ROBO1: variants seen among roughly 807,000 people sequenced by gnomAD.
ROBO1 encodes the protein roundabout homolog 1.
ROBO1 carries 149 observed loss-of-function variants against 195.9 expected under a neutral mutation model. The ratio of observed to expected loss-of-function variants is 0.76; its 90% CI spans 0.67 to 0.87. ROBO1 has a LOEUF of 0.87. Among genes scored for constraint, ROBO1 ranks in the 40% least tolerant of loss-of-function variants. The pLI is 0.00. For synonymous variants in ROBO1, 816 were observed against 733.2 expected (o/e 1.11, Z -1.82); for missense variants, 1,933 against 2,068.3 (o/e 0.93, Z 1.27).
intron 21 of ROBO1, among the ~76,000 whole-genome samples, chr3:78,645,452 GA>G (rs11427323): frequency 1.4e-4 from 20 of 146,442 alleles, no homozygotes; most frequent in African/African-American, 2.2e-4. Flanking sequence ...CTGTTTTGGA[GA>G]AAAAAAAAAC....
chr3:79,331,065 TA>T (rs1382720543), intron 2 of ROBO1, among the ~76,000 whole-genome samples: 1 of 152,196 alleles, frequency 6.6e-6, no homozygotes, highest in Non-Finnish European at 1.5e-5. Context: ...CTAGTAATAT[TA>T]AAAATAAATA....
intron 1 of ROBO1, among the ~76,000 whole-genome samples, chr3:79,724,199 T>G (rs1291228136): frequency 6.6e-6 from 1 of 152,200 alleles, no homozygotes; most frequent in Non-Finnish European, 1.5e-5. Context: ...CCTCCTTGAC[T>G]CCCATTTAGG....
intron 3 of ROBO1, among the ~76,000 whole-genome samples, chr3:79,092,809 T>A (rs1029716715): frequency 3.3e-5 from 5 of 152,016 alleles, no homozygotes; most frequent in African/African-American, 7.2e-5. Flanking sequence ...AAACCCAGAG[T>A]CAATCATTTT....
At chr3:79,370,672 A>G (rs569695345) in intron 2 of ROBO1, among the ~76,000 whole-genome samples, 2 of 151,016 alleles carry the variant, frequency 1.3e-5, no homozygotes, top group Admixed American at 1.3e-4. Context: ...ATAATAATGT[A>G]TTATATATAT....
At chr3:79,232,011 T>C (rs1420510854) in intron 2 of ROBO1, among the ~76,000 whole-genome samples, 1 of 151,802 alleles carries the variant, frequency 6.6e-6, no homozygotes, top group African/African-American at 2.4e-5. Context: ...GGGAGCTAAA[T>C]GATGAGAAGA....
At chr3:79,728,146 A>C (rs1469213838) in intron 1 of ROBO1, among the ~76,000 whole-genome samples, 1 of 147,126 alleles carries the variant, frequency 6.8e-6, no homozygotes, top group Non-Finnish European at 1.5e-5. Flanking sequence ...CCCCCCCCCC[A>C]CAGGAAATTT....
intron 4 of ROBO1, among the ~76,000 whole-genome samples, chr3:78,870,803 C>A (rs138390322): frequency 6.6e-6 from 1 of 152,166 alleles, no homozygotes; most frequent in Non-Finnish European, 1.5e-5. Flanking sequence ...GAGCAGAGAC[C>A]GAGAAGTGTC....
At chr3:79,267,420 T>C (rs1404665511) in intron 2 of ROBO1, among the ~76,000 whole-genome samples, 5 of 151,522 alleles carry the variant, frequency 3.3e-5, no homozygotes, top group Admixed American at 2.0e-4. Context: ...TAGGTTTTCA[T>C]AGGTTTTAAA....
In ROBO1 at chr3:78,834,685, T is replaced by C. The variant is rs575583358; in HGVS notation, c.500-87785A>G. Among the ~76,000 whole-genome samples, 11 of 152,200 alleles carry C rather than the reference T, an allele frequency of 7.2e-5. No homozygotes were observed. In the South Asian group the frequency reaches 2.1e-3, roughly 29 times the overall value. ...AATATTGCTAAATCTACTGACAATC[T>C]TCTTTATCCGGCCTTGAGTTACTAG... is the stretch of plus-strand genomic sequence containing the variant. On this transcript the variant is annotated intron_variant, in intron 4 of 30. Coordinates refer to ENST00000464233, the MANE Select transcript of ROBO1 (RefSeq NM_002941.4).
chr3:79,760,236 C>CAAAAAAAAAAAA lies in ROBO1; in HGVS notation c.-51+7504_-51+7515dup, dbSNP rs11451206. 4.7e-3 allele frequency among the ~76,000 whole-genome samples: 21 copies of CAAAAAAAAAAAA among 4,516 alleles called. 5 individuals carry two copies. The highest frequency in any genetic ancestry group is 5.2e-3 in the Non-Finnish European group (12 of 2,330). The allele number at this position is 4,516 out of a possible 152,430, so 3.0% of individuals were successfully genotyped here. A position where few individuals can be genotyped will look rare whatever the true frequency, so the allele number is the denominator to read the frequency against. On this transcript the variant is annotated intron_variant, in intron 1 of 30. Coordinates refer to ENST00000464233, the MANE Select transcript of ROBO1 (RefSeq NM_002941.4). ...TGGGTGAGACAGTGAGACCCTATCT[C>CAAAAAAAAAAAA]AAAAAAAAAAAAAAAAAAAAAAAAA...
chr3:79,182,762 C>T (rs1391225146), intron 2 of ROBO1, among the ~76,000 whole-genome samples: 3 of 152,110 alleles, frequency 2.0e-5, no homozygotes, highest in African/African-American at 7.2e-5. Flanking sequence ...ACTTCTCCCA[C>T]GAATGGTACC....
intron 5 of ROBO1, among the ~76,000 whole-genome samples, chr3:78,727,636 A>C (rs554325370): frequency 6.6e-6 from 1 of 152,334 alleles, no homozygotes; most frequent in South Asian, 2.1e-4. Flanking sequence ...GAAAAAAACT[A>C]CATCTCTTAT....
At chr3:78,621,281 T>C (rs1321045582) in intron 26 of ROBO1, among the ~76,000 whole-genome samples, 1 of 152,122 alleles carries the variant, frequency 6.6e-6, no homozygotes, top group Non-Finnish European at 1.5e-5. Context: ...TTACAGTCTT[T>C]GTCAGCATAC....
At chr3:79,291,036 C>T (rs1326204993) in intron 2 of ROBO1, among the ~76,000 whole-genome samples, 1 of 152,176 alleles carries the variant, frequency 6.6e-6, no homozygotes, top group Non-Finnish European at 1.5e-5. Flanking sequence ...CCTACCACTA[C>T]ATTTGAACCT....
chr3:79,530,519 A>G (rs1941605450), intron 2 of ROBO1, among the ~76,000 whole-genome samples: 1 of 152,116 alleles, frequency 6.6e-6, no homozygotes, highest in Admixed American at 6.6e-5. Flanking sequence ...TTTAAGTCAT[A>G]TTAGCTCTTC....
chr3:79,018,132 G>C (rs541608646), intron 3 of ROBO1, among the ~76,000 whole-genome samples: 1 of 152,264 alleles, frequency 6.6e-6, no homozygotes, highest in South Asian at 2.1e-4. Context: ...TTTGCCCAGA[G>C]TAATCTGGGC....
At position 78,598,895 on chromosome 3, in the gene ROBO1, T is replaced by G. The variant is rs752750568; in HGVS notation, c.*18A>C. On this transcript the variant is annotated 3_prime_UTR_variant, in exon 31 of 31. Coordinates refer to ENST00000464233, the MANE Select transcript of ROBO1 (RefSeq NM_002941.4). Reference sequence around the variant, plus strand: ...GTGATGATTTTCACATTAGATCTCATAAGCCTCTTGGTTGTCTTCAGCTTT... The same window carrying G: ...GTGATGATTTTCACATTAGATCTCAGAAGCCTCTTGGTTGTCTTCAGCTTT... 3 of 1,549,208 alleles carry G rather than the reference T, an allele frequency of 1.9e-6. No homozygotes were observed. The African/African-American group carries it at 4.1e-5, about 21-fold the overall frequency.
At chr3:78,635,676 A>G in intron 23 of ROBO1, 97 bp downstream of exon 23, 1 of 1,089,258 alleles carries the variant, frequency 9.2e-7, no homozygotes, top group Non-Finnish European at 1.3e-6. Context: ...ACAGAAGAAA[A>G]GATTTTACTT....
At chr3:79,105,200 A>C (rs2079755337) in intron 3 of ROBO1, among the ~76,000 whole-genome samples, 1 of 151,836 alleles carries the variant, frequency 6.6e-6, no homozygotes, top group Admixed American at 6.6e-5. Context: ...TGTAAGTTAA[A>C]CTACTAACGG....
Sources: gnomAD v4.1 joint callset for allele counts (sites outside exome capture counted in the v4.1 genomes callset) on GRCh38, gnomAD v4.1.1 for gene constraint, MANE v1.5 for transcripts, NCBI Gene and HGNC (gene_info 2026-07-23, HGNC 2026-07-21) for gene names.